PARD3: variants seen among roughly 807,000 people sequenced by gnomAD.
The protein encoded by PARD3 is partitioning defective 3 homolog.
PARD3 carries 75 observed loss-of-function variants against 155.4 expected under a neutral mutation model. The ratio of observed to expected loss-of-function variants is 0.48; its 90% CI spans 0.40 to 0.58. The LOEUF (loss-of-function observed/expected upper bound fraction) is 0.58, where lower values mean the gene tolerates loss of function less well. PARD3 is among the 20% of genes least tolerant of loss of function. The pLI is 0.00. For missense variants in PARD3, 1,642 were observed against 1,721.7 expected (o/e 0.95, Z 0.82); for synonymous variants, 576 against 610.5 (o/e 0.94, Z 0.83).
chr10:34,486,744 T>A (rs972900598), intron 3 of PARD3, among the ~76,000 whole-genome samples: 1 of 152,212 alleles, frequency 6.6e-6, no homozygotes. Flanking sequence ...CATTTCATTG[T>A]CCTGGTGACA....
intron 12 of PARD3, among the ~76,000 whole-genome samples, chr10:34,363,923 C>A (rs932385746): frequency 6.6e-6 from 1 of 152,188 alleles, no homozygotes; most frequent in Non-Finnish European, 1.5e-5. Flanking sequence ...TGCTAAGGAA[C>A]CTGCTGAATG....
chr10:34,634,591 GA>G (rs2092399035), intron 2 of PARD3, among the ~76,000 whole-genome samples: 1 of 151,854 alleles, frequency 6.6e-6, no homozygotes, highest in South Asian at 2.1e-4. Flanking sequence ...AGGTTTTAAA[GA>G]ATTGTTCCAT....
intron 22 of PARD3, among the ~76,000 whole-genome samples, chr10:34,189,803 T>C (rs948765229): frequency 6.6e-6 from 1 of 152,040 alleles, no homozygotes; most frequent in African/African-American, 2.4e-5. Context: ...TAAAAAGCCA[T>C]TTTCTTGAAA....
chr10:34,786,871 G>C (rs913277003), intron 1 of PARD3, among the ~76,000 whole-genome samples: 10 of 152,238 alleles, frequency 6.6e-5, no homozygotes. Flanking sequence ...GGCATGCAGA[G>C]TTCAAAGAGA....
At chr10:34,657,122 C>G (rs796619360) in intron 2 of PARD3, among the ~76,000 whole-genome samples, 44 of 152,114 alleles carry the variant, frequency 2.9e-4, no homozygotes, top group African/African-American at 1.1e-3. Flanking sequence ...AAAGCCAGAT[C>G]ACAGCTGGGC....
intron 22 of PARD3, among the ~76,000 whole-genome samples, chr10:34,189,831 A>G (rs1274471): frequency 0.44 from 67,297 of 152,106 alleles, 15,822 homozygotes; most frequent in Non-Finnish European, 0.53. Context: ...AAATGAGCCT[A>G]TCCCTTTGAG....
intron 6 of PARD3, 58 bp from the exon 7 acceptor site, chr10:34,399,471 A>G: frequency 2.0e-6 from 2 of 1,019,180 alleles, no homozygotes; most frequent in Non-Finnish European, 3.1e-6. Flanking sequence ...AACCAAAACC[A>G]AAACAAAACA....
intron 1 of PARD3, among the ~76,000 whole-genome samples, chr10:34,811,151 T>C (rs180845521): frequency 6.6e-6 from 1 of 152,104 alleles, no homozygotes; most frequent in Non-Finnish European, 1.5e-5. Context: ...GAATTATCCA[T>C]CCAAACCTCA....
intron 1 of PARD3, among the ~76,000 whole-genome samples, chr10:34,730,003 T>C (rs2094789083): frequency 6.6e-6 from 1 of 152,226 alleles, no homozygotes; most frequent in Non-Finnish European, 1.5e-5. Context: ...ATAGGTTTTA[T>C]AGCCTGAACC....
chr10:34,418,546 A>T (rs932605354), intron 5 of PARD3, among the ~76,000 whole-genome samples: 4 of 152,162 alleles, frequency 2.6e-5, no homozygotes, highest in African/African-American at 9.7e-5. Context: ...GCAAGCCTTA[A>T]TCTTTTATCT....
In PARD3 at chr10:34,411,919, C is replaced by CGTGTGT. The variant is rs61517279; in HGVS notation, c.715-10008_715-10003dup. 4.3e-3 allele frequency among the ~76,000 whole-genome samples: 608 copies of CGTGTGT among 141,170 alleles called. 2 individuals carry two copies. The highest frequency in any genetic ancestry group is 7.0e-3 in the Middle Eastern group (2 of 284). 92.6% of individuals were successfully genotyped at this position (141,170 alleles called of 152,430 possible). A position where few individuals can be genotyped will look rare whatever the true frequency, so the allele number is the denominator to read the frequency against. ...TTTAACAAAATCTTTATAAGCTAGT[C>CGTGTGT]GTGTGTGTGTGTGTGTGTGTGTGTG... On this transcript the variant is annotated intron_variant, in intron 5 of 24. Transcript: ENST00000374788.
rs775357768 is a variant in PARD3 at position 34,743,177 on chromosome 10, T to C, written c.121-46758A>G. Among the ~76,000 whole-genome samples, 65 of 152,190 alleles carry C rather than the reference T, an allele frequency of 4.3e-4. 1 individual carries two copies. The highest frequency in any genetic ancestry group is 2.1e-4 in the South Asian group (1 of 4,824). On this transcript the variant is annotated intron_variant, in intron 1 of 24. Transcript: ENST00000374788. ...AAAATCTCTAGGTTCCATGAAAATG[T>C]GTCCACAGAAAGAACCAAAGGCATG...
intron 2 of PARD3, among the ~76,000 whole-genome samples, chr10:34,679,077 TAA>T (rs1320894825): frequency 6.6e-6 from 1 of 152,132 alleles, no homozygotes; most frequent in South Asian, 2.1e-4. Context: ...GATCCCCAAA[TAA>T]ACAGTCCACC....
At chr10:34,728,008 G>C (rs373218931) in intron 1 of PARD3, among the ~76,000 whole-genome samples, 1 of 151,944 alleles carries the variant, frequency 6.6e-6, no homozygotes, top group East Asian at 1.9e-4. Context: ...ATGTCAACCC[G>C]GAGACAATAC....
intron 1 of PARD3, among the ~76,000 whole-genome samples, chr10:34,736,218 G>C (rs988678589): frequency 2.0e-5 from 3 of 151,936 alleles, no homozygotes; most frequent in Non-Finnish European, 4.4e-5. Context: ...TTTTAGTAGA[G>C]ACAGGGTTTC....
At chr10:34,281,066 C>T (rs765573602) in intron 21 of PARD3, among the ~76,000 whole-genome samples, 6 of 152,052 alleles carry the variant, frequency 3.9e-5, no homozygotes, top group Admixed American at 1.3e-4. Flanking sequence ...AGAAAGCCAA[C>T]GTGTGATGCT....
intron 22 of PARD3, among the ~76,000 whole-genome samples, chr10:34,152,367 T>C (rs758682259): frequency 6.6e-6 from 1 of 152,230 alleles, no homozygotes; most frequent in Non-Finnish European, 1.5e-5. Flanking sequence ...CTAGGCTGTA[T>C]GGTGTAGCCT....
At chr10:34,783,421 G>T (rs1043820763) in intron 1 of PARD3, among the ~76,000 whole-genome samples, 8 of 151,638 alleles carry the variant, frequency 5.3e-5, no homozygotes, top group Non-Finnish European at 2.9e-5. Flanking sequence ...TGGCTAACAT[G>T]GTGAAACCCC....
At chr10:34,348,837 A>C (rs1564614205) in intron 14 of PARD3, among the ~76,000 whole-genome samples, 1 of 152,234 alleles carries the variant, frequency 6.6e-6, no homozygotes, top group Non-Finnish European at 1.5e-5. Context: ...TATACAATCT[A>C]ATAAATAAGC....
Sources: gnomAD v4.1 joint callset for allele counts (sites outside exome capture counted in the v4.1 genomes callset) on GRCh38, gnomAD v4.1.1 for gene constraint, MANE v1.5 for transcripts, NCBI Gene and HGNC (gene_info 2026-07-23, HGNC 2026-07-21) for gene names.